Variants in WDR37 observed in about 807,000 individuals in gnomAD.
The protein encoded by WDR37 is WD repeat domain 37, also known as WD repeat-containing protein 37.
Under a neutral mutation model 62.9 loss-of-function variants are expected in WDR37, and 19 were observed. That is an observed-to-expected ratio of 0.30 (90% CI 0.21 to 0.44). The LOEUF is 0.44. Ranked by LOEUF, WDR37 falls within the 20% of genes least tolerant of loss-of-function variation. WDR37 has a pLI of 1.00. For missense variants in WDR37, 474 were observed against 657.6 expected, an observed-to-expected ratio of 0.72 and a Z score of 3.05; for synonymous variants, 250 against 260.9, an observed-to-expected ratio of 0.96 and a Z score of 0.40.
At chr10:1,093,553 A>C in intron 8 of WDR37, 57 bp downstream of exon 8, 1 of 1,352,872 alleles carries the variant, frequency 7.4e-7, no homozygotes, top group Non-Finnish European at 1.0e-6. Flanking sequence ...AAACAACTAT[A>C]AATATTCCTT....
At chr10:1,061,299 G>T (rs1445362662) in intron 1 of WDR37, among the ~76,000 whole-genome samples, 1 of 152,026 alleles carries the variant, frequency 6.6e-6, no homozygotes, top group Non-Finnish European at 1.5e-5. Context: ...CATTTCAGTA[G>T]TTTTACAAAC....
chr10:1,070,697 C>T (rs1272701463), intron 1 of WDR37, among the ~76,000 whole-genome samples: 1 of 152,102 alleles, frequency 6.6e-6, no homozygotes, highest in African/African-American at 2.4e-5. Flanking sequence ...TTATTAATAA[C>T]CTTTATGGAA....
At chr10:1,096,585 T>A (rs1834585341) in intron 9 of WDR37, 1 of 335,742 alleles carries the variant, frequency 3.0e-6, no homozygotes. Flanking sequence ...ATCTTGGACT[T>A]CCAGCCTCCA....
At chr10:1,067,074 C>A (rs1192567301) in intron 1 of WDR37, among the ~76,000 whole-genome samples, 3 of 152,112 alleles carry the variant, frequency 2.0e-5, no homozygotes. Context: ...CATATCACTG[C>A]CGTTGGTGGA....
Position 1,080,468 on chromosome 10 carries a change from A to G in WDR37, c.388A>G (p.Thr130Ala). ...ACTGAAGACCACTTACAAGGCTTCC[A>G]CCAGCAAGGTATGCAGGCCACTGGC... The part of the protein sequence containing the change: ...QKLKTTYKAS[T>A]SKIVSSFKTT... Residue 130 changes from threonine to alanine, a missense_variant, in exon 5 of 14, where the codon ACC becomes GCC. By Grantham distance (58) the Thr-to-Ala change is moderately conservative (BLOSUM62 0). Transcript: ENST00000263150. 1 of 1,614,232 alleles carries G rather than the reference A, an allele frequency of 6.2e-7. No individual in the cohort carries two copies. Among genetic ancestry groups the G allele is most frequent in the Non-Finnish European group, 8.5e-7 (1 of 1,180,036 alleles).
chr10:1,126,299 G>C (rs186960707), intron 13 of WDR37, among the ~76,000 whole-genome samples: 5 of 151,240 alleles, frequency 3.3e-5, no homozygotes, highest in Non-Finnish European at 5.9e-5. Context: ...CCAGCTACTC[G>C]GGAGGCTGAG....
chr10:1,093,336 A>G lies in WDR37; in HGVS notation c.605-116A>G, dbSNP rs1240908984. On this transcript the variant is annotated intron_variant, in intron 7 of 13. Transcript: ENST00000263150. ...ATAACTTAACTGAGTGGAGGATCAA[A>G]TATTGAACTCATAGTTCTTTTAATG... The G allele has an allele frequency of 6.3e-6, 5 of 789,170 alleles. No individual in the cohort carries two copies. The East Asian group carries it at 1.3e-4, about 21-fold the overall frequency. The allele number at this position is 789,170 out of a possible 1,614,324, so 48.9% of individuals were successfully genotyped here.
chr10:1,081,331 A>G (rs1329118413), intron 5 of WDR37, among the ~76,000 whole-genome samples: 2 of 152,228 alleles, frequency 1.3e-5, no homozygotes, highest in Non-Finnish European at 2.9e-5. Flanking sequence ...GTAATTTTGT[A>G]TGCATCTGTA....
At chr10:1,057,549 C>T (rs1300339813) in intron 1 of WDR37, among the ~76,000 whole-genome samples, 1 of 152,170 alleles carries the variant, frequency 6.6e-6, no homozygotes, top group Non-Finnish European at 1.5e-5. Flanking sequence ...TATTGTTCCC[C>T]TTTTGAAGAC....
intron 11 of WDR37, among the ~76,000 whole-genome samples, chr10:1,111,491 A>G (rs1223844529): frequency 1.3e-5 from 2 of 152,190 alleles, no homozygotes; most frequent in Non-Finnish European, 2.9e-5. Flanking sequence ...TAAGAAAGAA[A>G]AGTGTAGCGA....
chr10:1,071,767 G>T (rs1030873844), intron 1 of WDR37, among the ~76,000 whole-genome samples: 2 of 152,192 alleles, frequency 1.3e-5, no homozygotes, highest in Non-Finnish European at 2.9e-5. Flanking sequence ...CATGAGTCTA[G>T]AATGTGTAGT....
At chr10:1,102,136 C>T (rs957683359) in intron 9 of WDR37, among the ~76,000 whole-genome samples, 3 of 146,080 alleles carry the variant, frequency 2.1e-5, no homozygotes, top group Non-Finnish European at 4.5e-5. Flanking sequence ...GTCCCTGTGA[C>T]GTGGGAACCC....
chr10:1,092,119 GC>G (rs1292062516), intron 7 of WDR37, among the ~76,000 whole-genome samples: 1 of 148,458 alleles, frequency 6.7e-6, no homozygotes, highest in African/African-American at 2.5e-5. Flanking sequence ...GGCGGAGCTT[GC>G]AGTGAGCTGA....
chr10:1,100,626 G>A (rs886752289), intron 9 of WDR37, among the ~76,000 whole-genome samples: 1 of 152,210 alleles, frequency 6.6e-6, no homozygotes, highest in African/African-American at 2.4e-5. Context: ...ATAAGGAAGC[G>A]TTTGGGTGGC....
intron 7 of WDR37, among the ~76,000 whole-genome samples, chr10:1,091,543 A>T (rs1421098468): frequency 6.6e-6 from 1 of 152,202 alleles, no homozygotes; most frequent in Non-Finnish European, 1.5e-5. Context: ...GATTTGGTCA[A>T]ATTTCCTATA....
At chr10:1,087,201 C>T (rs1021483879) in intron 7 of WDR37, among the ~76,000 whole-genome samples, 8 of 152,032 alleles carry the variant, frequency 5.3e-5, no homozygotes, top group Admixed American at 1.3e-4. Flanking sequence ...GACAGGCTGG[C>T]GCCTTTCCCG....
chr10:1,089,712 C>T (rs1365654684), intron 7 of WDR37, among the ~76,000 whole-genome samples: 1 of 116,218 alleles, frequency 8.6e-6, no homozygotes. Flanking sequence ...CGTGCTCACC[C>T]GCAATTCAAC....
chr10:1,105,385 A>G lies in WDR37; in HGVS notation c.1103+118A>G. On this transcript the variant is annotated intron_variant, in intron 11 of 13. Transcript: ENST00000263150. This position sits in a 1 kb window ranked among gnomAD's most constrained non-coding sequence, Gnocchi z 5.3. Reference sequence around the variant, plus strand: ...TTCCGACTCTACTATCTTTCAAAAAAATAACTACCTTTCAAATTCTGCTAT... The same window carrying G: ...TTCCGACTCTACTATCTTTCAAAAAGATAACTACCTTTCAAATTCTGCTAT... 7.9e-7 allele frequency: 1 copy of G among 1,273,006 alleles called. No homozygotes were observed. The highest frequency in any genetic ancestry group is 1.1e-6 in the Non-Finnish European group (1 of 933,108). 78.9% of individuals were successfully genotyped at this position (1,273,006 alleles called of 1,614,324 possible).
chr10:1,098,757 T>G, intron 9 of WDR37, among the ~76,000 whole-genome samples: 1 of 152,222 alleles, frequency 6.6e-6, no homozygotes, highest in Admixed American at 6.5e-5. Context: ...TCTCCAGAAC[T>G]GGAAGATGAC....
Sources: gnomAD v4.1 joint callset for allele counts (sites outside exome capture counted in the v4.1 genomes callset) on GRCh38, gnomAD v4.1.1 for gene constraint, Gnocchi (gnomAD v3.1) non-coding constraint, MANE v1.5 for transcripts, NCBI Gene and HGNC (gene_info 2026-07-23, HGNC 2026-07-21) for gene names.